The following TRHDE variants were observed in gnomAD, a reference collection of about 807,000 sequenced individuals.
TRHDE encodes thyrotropin-releasing hormone-degrading ectoenzyme.
TRHDE carries 72 observed loss-of-function variants against 125.7 expected under a neutral mutation model. The ratio of observed to expected loss-of-function variants is 0.57; its 90% CI spans 0.47 to 0.70. The LOEUF is 0.70. Among genes scored for constraint, TRHDE ranks in the 30% least tolerant of loss-of-function variants. The pLI, the probability that TRHDE is intolerant of heterozygous loss-of-function variation, is 0.00. For synonymous variants in TRHDE, 509 were observed against 509.1 expected (o/e 1.00, Z 0.00); for missense variants, 1,110 against 1,327.1 (o/e 0.84, Z 2.54).
intron 2 of TRHDE, among the ~76,000 whole-genome samples, chr12:72,248,645 T>C (rs73349099): frequency 0.037 from 5,622 of 152,180 alleles, 132 homozygotes; most frequent in African/African-American, 0.04. Flanking sequence ...ATGGTTCTTC[T>C]AACTCTTGAC....
At chr12:72,349,924 G>A (rs971888005) in intron 2 of TRHDE, among the ~76,000 whole-genome samples, 1 of 151,848 alleles carries the variant, frequency 6.6e-6, no homozygotes, top group African/African-American at 2.4e-5. Flanking sequence ...ACCAGAATAT[G>A]CTTGTCCTTA....
Position 72,575,474 on chromosome 12 carries a change from T to C in TRHDE, c.2266-13T>C. On this transcript the variant is annotated splice_polypyrimidine_tract_variant and intron_variant, in intron 11 of 18. Coordinates refer to ENST00000261180, the MANE Select transcript of TRHDE (RefSeq NM_013381.3). ...TCCTAAATTATCCTATTATTTTTTCTAATTGGCCTCAGGTTCTTTCTGTCA... is the reference window on the plus strand; with the variant it reads ...TCCTAAATTATCCTATTATTTTTTCCAATTGGCCTCAGGTTCTTTCTGTCA... The C allele has an allele frequency of 6.2e-7, 1 of 1,613,658 alleles. No individual in the cohort carries two copies. Among genetic ancestry groups the C allele is most frequent in the African/African-American group, 1.3e-5 (1 of 75,030 alleles).
chr12:72,364,706 G>A (rs1352390882), intron 2 of TRHDE, among the ~76,000 whole-genome samples: 2 of 152,030 alleles, frequency 1.3e-5, no homozygotes, highest in Admixed American at 6.6e-5. Flanking sequence ...GGATGGTGTT[G>A]ATTTAGAAAG....
At chr12:72,396,046 A>G (rs1174272714) in intron 3 of TRHDE, among the ~76,000 whole-genome samples, 2 of 152,086 alleles carry the variant, frequency 1.3e-5, no homozygotes, top group Admixed American at 1.3e-4. Context: ...ACACTTATAG[A>G]GGCCAATTCC....
chr12:72,550,291 T>C (rs1286785641), intron 7 of TRHDE, among the ~76,000 whole-genome samples: 1 of 152,008 alleles, frequency 6.6e-6, no homozygotes, highest in Non-Finnish European at 1.5e-5. Context: ...TGCTAAAAAC[T>C]GTCTCTGACT....
chr12:72,247,615 G>T (rs1348473453), intron 2 of TRHDE, among the ~76,000 whole-genome samples: 1 of 152,136 alleles, frequency 6.6e-6, no homozygotes, highest in Non-Finnish European at 1.5e-5. Flanking sequence ...GTAGAACATT[G>T]CATAGTGTTT....
chr12:72,521,416 C>A (rs567938496), intron 6 of TRHDE, among the ~76,000 whole-genome samples: 31 of 152,188 alleles, frequency 2.0e-4, no homozygotes, highest in African/African-American at 7.2e-4. Context: ...GCTCAGAGAC[C>A]CTGAGTGGAG....
At chr12:72,141,106 T>C (rs767785242) in intron 2 of TRHDE, among the ~76,000 whole-genome samples, 2 of 152,166 alleles carry the variant, frequency 1.3e-5, no homozygotes, top group Non-Finnish European at 2.9e-5. Flanking sequence ...GGCCTACTTA[T>C]ATGAAGATAT....
chr12:72,445,460 C>G (rs1875231351), intron 3 of TRHDE, among the ~76,000 whole-genome samples: 1 of 151,898 alleles, frequency 6.6e-6, no homozygotes, highest in Admixed American at 6.6e-5. Flanking sequence ...TCAGCAACCT[C>G]TCTTGCTTCC....
chr12:72,336,124 T>A (rs1055660786), intron 2 of TRHDE, among the ~76,000 whole-genome samples: 2 of 152,174 alleles, frequency 1.3e-5, no homozygotes, highest in Non-Finnish European at 2.9e-5. Flanking sequence ...ATTTTAACAT[T>A]TGTTGAGAAC....
chr12:72,594,702 G>C (rs945309337), intron 12 of TRHDE, among the ~76,000 whole-genome samples: 6 of 152,010 alleles, frequency 3.9e-5, no homozygotes, highest in South Asian at 2.1e-4. Context: ...CTACTCTAAT[G>C]TGGCAATTCC....
chr12:72,490,817 G>C (rs1414182551), intron 5 of TRHDE, among the ~76,000 whole-genome samples: 3 of 150,736 alleles, frequency 2.0e-5, no homozygotes, highest in Non-Finnish European at 4.4e-5. Context: ...AGTGGATACA[G>C]GTGGAGAGGT....
At position 72,369,489 on chromosome 12, in the gene TRHDE, C is replaced by CA. The variant is rs1010450911; in HGVS notation, c.1189-8498dup. On this transcript the variant is annotated intron_variant, in intron 2 of 18. Transcript: ENST00000261180. ...GTAAAGGAGTAAAACTGTGTCAGGA[C>CA]AAAAAAAACCTTTTCATTATTTTCT... 5.9e-5 allele frequency among the ~76,000 whole-genome samples: 9 copies of CA among 151,460 alleles called. 1 individual carries two copies. In the South Asian group the frequency reaches 1.5e-3, roughly 25 times the overall value.
At chr12:72,465,185 A>T (rs1271415683) in intron 3 of TRHDE, among the ~76,000 whole-genome samples, 1 of 152,204 alleles carries the variant, frequency 6.6e-6, no homozygotes, top group Non-Finnish European at 1.5e-5. Context: ...AATAAACAAA[A>T]GAATATTTTT....
chr12:72,332,522 G>GC (rs1869652560), intron 2 of TRHDE, among the ~76,000 whole-genome samples: 1 of 152,050 alleles, frequency 6.6e-6, no homozygotes, highest in South Asian at 2.1e-4. Flanking sequence ...TGAGAGATCC[G>GC]CCCCCATGAT....
intron 1 of TRHDE, among the ~76,000 whole-genome samples, chr12:72,088,265 G>T (rs548246517): frequency 6.6e-6 from 1 of 152,142 alleles, no homozygotes; most frequent in Admixed American, 6.5e-5. Context: ...TGATAATAAC[G>T]AGGAAGACTG....
At chr12:72,390,467 A>T (rs922334330) in intron 3 of TRHDE, among the ~76,000 whole-genome samples, 3 of 152,242 alleles carry the variant, frequency 2.0e-5, no homozygotes, top group African/African-American at 7.2e-5. Context: ...CATAAACCTT[A>T]GAGCTAAAAT....
intron 2 of TRHDE, among the ~76,000 whole-genome samples, chr12:72,325,563 A>C (rs1869302758): frequency 6.6e-6 from 1 of 152,188 alleles, no homozygotes; most frequent in African/African-American, 2.4e-5. Flanking sequence ...TCATAGAGAA[A>C]AAAAAGGTAG....
intron 17 of TRHDE, among the ~76,000 whole-genome samples, chr12:72,654,878 A>G (rs1447358108): frequency 6.6e-6 from 1 of 152,138 alleles, no homozygotes; most frequent in East Asian, 1.9e-4. Context: ...AATTATATAA[A>G]CACACTTTAG....
Sources: allele counts gnomAD v4.1 joint callset (sites outside exome capture counted in the v4.1 genomes callset), GRCh38; gene constraint gnomAD v4.1.1; transcripts MANE v1.5; gene names NCBI Gene and HGNC (gene_info 2026-07-23, HGNC 2026-07-21).